The following SLIT2 variants were observed in gnomAD, a reference collection of about 807,000 sequenced individuals.
SLIT2 encodes the protein slit homolog 2 protein.
SLIT2 carries 41 observed loss-of-function variants against 185.7 expected under a neutral mutation model. The ratio of observed to expected loss-of-function variants is 0.22; its 90% confidence interval spans 0.17 to 0.29. SLIT2 has a LOEUF of 0.29. Among genes scored for constraint, SLIT2 ranks in the 10% least tolerant of loss-of-function variants. SLIT2 has a pLI of 1.00. For synonymous variants in SLIT2, 693 were observed against 680.2 expected (o/e 1.02, Z -0.29); for missense variants, 1,571 against 1,909.0 (o/e 0.82, Z 3.30).
chr4:20,278,987 A>G (rs936096579), intron 4 of SLIT2, among the ~76,000 whole-genome samples: 2 of 152,182 alleles, frequency 1.3e-5, no homozygotes, highest in African/African-American at 4.8e-5. Flanking sequence ...ATACGGAGAA[A>G]GTCAGTGTTA....
At chr4:20,294,282 G>C (rs1380365601) in intron 4 of SLIT2, among the ~76,000 whole-genome samples, 2 of 151,522 alleles carry the variant, frequency 1.3e-5, no homozygotes, top group East Asian at 1.9e-4. Flanking sequence ...CCAAGAGACA[G>C]AGGTTGCACT....
chr4:20,500,851 A>G (rs1357265187), intron 9 of SLIT2, among the ~76,000 whole-genome samples: 1 of 152,188 alleles, frequency 6.6e-6, no homozygotes, highest in Non-Finnish European at 1.5e-5. Flanking sequence ...TCACAATAGC[A>G]GAAACTACAT....
At chr4:20,415,140 G>C (rs957549354) in intron 4 of SLIT2, among the ~76,000 whole-genome samples, 2 of 152,092 alleles carry the variant, frequency 1.3e-5, no homozygotes, top group Non-Finnish European at 2.9e-5. Context: ...GGCTGTGCGC[G>C]GTGGCCCGCG....
chr4:20,545,267 C>T (rs961155801), intron 21 of SLIT2, among the ~76,000 whole-genome samples: 2 of 151,892 alleles, frequency 1.3e-5, no homozygotes, highest in Admixed American at 6.6e-5. Context: ...TCACCATCTA[C>T]GTTCTAGGAA....
Position 20,532,028 on chromosome 4 carries a change from T to C in SLIT2, c.1658T>C (p.Ile553Thr), listed in dbSNP as rs1479162106. Residue 553 changes from isoleucine to threonine, a missense_variant, in exon 17 of 37, where the codon ATC becomes ACC. Physicochemically the swap from Ile to Thr is moderately conservative, Grantham distance 89 (BLOSUM62 -1). Transcript: ENST00000504154. ...TTTACCGTGTTGGAAGCCACAGGAA[T>C]CTTTAAGAAACTTCCTCAATTACGT... ...NEFTVLEATG[I>T]FKKLPQLRKI... The C allele has an allele frequency of 1.3e-6, 2 of 1,577,182 alleles. No homozygotes were observed. The highest frequency in any genetic ancestry group is 2.4e-5 in the South Asian group (2 of 82,858).
intron 4 of SLIT2, among the ~76,000 whole-genome samples, chr4:20,388,985 T>C (rs978763115): frequency 2.0e-5 from 3 of 147,998 alleles, no homozygotes; most frequent in Admixed American, 6.8e-5. Context: ...AATATATATA[T>C]GTATATAGGA....
At chr4:20,449,044 G>A (rs961829128) in intron 4 of SLIT2, among the ~76,000 whole-genome samples, 5 of 152,052 alleles carry the variant, frequency 3.3e-5, no homozygotes, top group Non-Finnish European at 5.9e-5. Flanking sequence ...GTGAATGTTT[G>A]TTGCTTTTCT....
chr4:20,349,540 C>T (rs540487566), intron 4 of SLIT2, among the ~76,000 whole-genome samples: 2 of 152,130 alleles, frequency 1.3e-5, no homozygotes, highest in Non-Finnish European at 2.9e-5. Context: ...GTGAGCTCCA[C>T]GTTTCCTGAA....
chr4:20,273,943 G>A (rs1299208093), intron 4 of SLIT2, among the ~76,000 whole-genome samples: 1 of 152,190 alleles, frequency 6.6e-6, no homozygotes, highest in Non-Finnish European at 1.5e-5. Flanking sequence ...TGCAGGAATT[G>A]CAGGTTACAG....
intron 4 of SLIT2, among the ~76,000 whole-genome samples, chr4:20,283,393 G>T (rs191019028): frequency 2.0e-5 from 3 of 152,160 alleles, no homozygotes; most frequent in Admixed American, 2.0e-4. Flanking sequence ...GATGATTGGT[G>T]GACTTTGAAG....
At chr4:20,548,033 A>G (rs1283338912) in intron 22 of SLIT2, among the ~76,000 whole-genome samples, 1 of 152,114 alleles carries the variant, frequency 6.6e-6, no homozygotes. Context: ...GAACATATGT[A>G]TCAATGAGGG....
chr4:20,373,626 C>G (rs1464872278), intron 4 of SLIT2, among the ~76,000 whole-genome samples: 2 of 151,920 alleles, frequency 1.3e-5, no homozygotes, highest in Non-Finnish European at 2.9e-5. Flanking sequence ...TTAGAGCTAC[C>G]CTTAGCATTA....
intron 4 of SLIT2, among the ~76,000 whole-genome samples, chr4:20,353,168 G>A (rs1013138877): frequency 6.6e-6 from 1 of 152,126 alleles, no homozygotes; most frequent in African/African-American, 2.4e-5. Flanking sequence ...GATTGTGTGT[G>A]CATTCATAGC....
At chr4:20,530,889 T>C (rs1721741832) in intron 16 of SLIT2, among the ~76,000 whole-genome samples, 1 of 151,496 alleles carries the variant, frequency 6.6e-6, no homozygotes, top group Non-Finnish European at 1.5e-5. Context: ...GAAAAACTGC[T>C]CAATATCATT....
intron 5 of SLIT2, among the ~76,000 whole-genome samples, chr4:20,478,015 G>A (rs1181268764): frequency 6.6e-6 from 1 of 152,160 alleles, no homozygotes; most frequent in Non-Finnish European, 1.5e-5. Flanking sequence ...CAGCTAAGTA[G>A]TCCAGAAACC....
chr4:20,547,341 C>CT (rs1403183990), intron 22 of SLIT2, among the ~76,000 whole-genome samples: 1 of 152,072 alleles, frequency 6.6e-6, no homozygotes, highest in Admixed American at 6.6e-5. Context: ...CATGTGATTA[C>CT]TTTCAAGCCA....
In SLIT2 at chr4:20,252,160, G is replaced by A. The variant is rs1722095044; in HGVS notation, c.-1656G>A. Among the ~76,000 whole-genome samples, 1 of 151,484 alleles carries A rather than the reference G, an allele frequency of 6.6e-6. No homozygotes were observed. Among genetic ancestry groups the A allele is most frequent in the African/African-American group, 2.4e-5 (1 of 41,218 alleles). Reference sequence around the variant, plus strand: ...GCAGCCGGCTCCGGAGGCGCGGGCCGGGTTTTTGTTTGGCTACGCTGAGCG... The same window carrying A: ...GCAGCCGGCTCCGGAGGCGCGGGCCAGGTTTTTGTTTGGCTACGCTGAGCG... On this transcript the variant is annotated 5_prime_UTR_variant, in exon 1 of 37. Transcript: ENST00000504154.
rs143782841 is a variant in SLIT2 at position 20,595,734 on chromosome 4, G to C, written c.3220G>C (p.Asp1074His). 3.4e-4 allele frequency: 542 copies of C among 1,614,116 alleles called. 5 individuals are homozygous for C. In the East Asian group the frequency reaches 0.01, roughly 31 times the overall value. The part of the protein sequence containing the change: ...CTPGYVGEHC[D>H]IDFDDCQDNK... ...ACCAGGGTACGTAGGTGAACACTGC[G>C]ACATCGATTTTGACGACTGCCAAGA... The change falls in exon 31 of 37, where the codon GAC becomes CAC. Residue 1074 changes from aspartate to histidine, a missense_variant. Physicochemically the swap from Asp to His is moderately conservative, Grantham distance 81 (BLOSUM62 -1). Around this residue, in one of 3 missense-constraint regions of SLIT2, gnomAD observed 1,202 missense variants for 1,416.4 expected, o/e 0.85. Transcript: ENST00000504154.
At chr4:20,600,950 A>G (rs1728368261) in intron 33 of SLIT2, among the ~76,000 whole-genome samples, 1 of 151,576 alleles carries the variant, frequency 6.6e-6, no homozygotes, top group South Asian at 2.1e-4. Flanking sequence ...TTGAGAAAAT[A>G]ATATAAGAAA....
Sources: gnomAD v4.1 joint callset for allele counts (sites outside exome capture counted in the v4.1 genomes callset) on GRCh38, gnomAD v4.1.1 for gene constraint, gnomAD v4.1.1 regional missense constraint, MANE v1.5 for transcripts, NCBI Gene and HGNC (gene_info 2026-07-23, HGNC 2026-07-21) for gene names.